Variants in CCND2 observed in about 807,000 individuals in gnomAD.
CCND2 encodes cyclin D2, also known as G1/S-specific cyclin-D2.
A neutral mutation model predicts 30.2 loss-of-function variants in CCND2; 6 were observed. The observed-to-expected ratio is 0.20, with a 90% CI of 0.11 to 0.39. The LOEUF (loss-of-function observed/expected upper bound fraction) is 0.39, where lower values mean the gene tolerates loss of function less well. Ranked by LOEUF, CCND2 falls within the 10% of genes least tolerant of loss-of-function variation. The probability of loss-of-function intolerance (pLI) is 1.00; values close to 1 mark genes in which losing one functional copy is unlikely to be tolerated. For missense variants in CCND2, 235 were observed against 373.4 expected (o/e 0.63, Z 3.06); for synonymous variants, 150 against 153.1 (o/e 0.98, Z 0.15).
In CCND2 at chr12:4,285,128, A is replaced by G. The variant is rs1864005655; in HGVS notation, c.572-3714A>G. 5.9e-6 allele frequency: 1 copy of G among 170,328 alleles called. No individual in the cohort carries two copies. The highest frequency in any genetic ancestry group is 2.4e-5 in the African/African-American group (1 of 41,772). 10.6% of individuals were successfully genotyped at this position (170,328 alleles called of 1,614,324 possible). A position where few individuals can be genotyped will look rare whatever the true frequency, so the allele number is the denominator to read the frequency against. On this transcript the variant is annotated intron_variant, in intron 3 of 4. Transcript: ENST00000261254. This position sits in a 1 kb window ranked among gnomAD's most constrained non-coding sequence, Gnocchi z 4.1. ...TATAGCACACCATCCTCTACTATCT[A>G]ATGCATTGATGCCCAGCCTTAAGAA... is the stretch of plus-strand genomic sequence containing the variant.
Position 4,304,504 on chromosome 12 carries a change from A to G in CCND2, c.*4495A>G, listed in dbSNP as rs1047696020. The G allele has an allele frequency of 4.3e-6, 1 of 233,510 alleles. No homozygotes were observed. The highest frequency in any genetic ancestry group is 5.6e-5 in the Admixed American group (1 of 17,778). The allele number at this position is 233,510 out of a possible 1,614,324, so 14.5% of individuals were successfully genotyped here. A position where few individuals can be genotyped will look rare whatever the true frequency, so the allele number is the denominator to read the frequency against. On this transcript the variant is annotated 3_prime_UTR_variant, in exon 5 of 5. Coordinates refer to ENST00000261254, the MANE Select transcript of CCND2 (RefSeq NM_001759.4). The surrounding 1 kb of genome is among the most constrained non-coding windows in gnomAD (Gnocchi z 6.2). The stretch of plus-strand genomic sequence containing the variant: ...ATAGGGTAAGAAGATTCAAGAGGAT[A>G]TTTATTACTTCCTCATACCACATGG...
chr12:4,298,632 A>G (rs1864206680), intron 4 of CCND2, among the ~76,000 whole-genome samples: 2 of 152,242 alleles, frequency 1.3e-5, no homozygotes, highest in Admixed American at 6.5e-5. Flanking sequence ...GCACAGTAAA[A>G]GAAACAAAAG....
In CCND2 at chr12:4,276,295, C is replaced by G. The variant is rs1863873802; in HGVS notation, c.411+75C>G. 2.3e-6 allele frequency: 3 copies of G among 1,278,004 alleles called. No individual in the cohort carries two copies. In the African/African-American group the frequency reaches 4.4e-5, roughly 19 times the overall value. The allele number at this position is 1,278,004 out of a possible 1,614,324, so 79.2% of individuals were successfully genotyped here. A position where few individuals can be genotyped will look rare whatever the true frequency, so the allele number is the denominator to read the frequency against. Reference sequence around the variant, plus strand: ...CTGGCCAACAATATGCCTTCTATCACCACTGCCAGAGCAAATTCTTGGGAT... The same window carrying G: ...CTGGCCAACAATATGCCTTCTATCAGCACTGCCAGAGCAAATTCTTGGGAT... On this transcript the variant is annotated intron_variant, in intron 2 of 4. Coordinates refer to ENST00000261254, the MANE Select transcript of CCND2 (RefSeq NM_001759.4). This position sits in a 1 kb window ranked among gnomAD's most constrained non-coding sequence, Gnocchi z 4.8.
intron 3 of CCND2, among the ~76,000 whole-genome samples, chr12:4,288,345 T>C (rs1864051419): frequency 6.6e-6 from 1 of 151,768 alleles, no homozygotes; most frequent in African/African-American, 2.4e-5. Context: ...TGCCCGTTTC[T>C]CCCATCTCCT....
chr12:4,290,233 C>T (rs1000042678), intron 4 of CCND2, among the ~76,000 whole-genome samples: 1 of 152,192 alleles, frequency 6.6e-6, no homozygotes, highest in Non-Finnish European at 1.5e-5. Flanking sequence ...GTTCCCAGCT[C>T]AGAGAAATGG....
rs554992127 is a variant in CCND2 at position 4,293,769 on chromosome 12, G to A, written c.720+4779G>A. Among the ~76,000 whole-genome samples, 12 of 152,228 alleles carry A rather than the reference G, an allele frequency of 7.9e-5. No homozygotes were observed. Among genetic ancestry groups the A allele is most frequent in the Middle Eastern group, 3.4e-3 (1 of 294 alleles). On this transcript the variant is annotated intron_variant, in intron 4 of 4. Transcript: ENST00000261254. The surrounding 1 kb of genome is among the most constrained non-coding windows in gnomAD (Gnocchi z 4.9). ...TTTCTGCTCCGTAGCTGGAAGTGCC[G>A]CCACCCTCGCCCCACATGTCATTTT...
chr12:4,279,339 G>A (rs968761966), intron 3 of CCND2, among the ~76,000 whole-genome samples: 7 of 152,044 alleles, frequency 4.6e-5, no homozygotes, highest in Admixed American at 2.6e-4. Flanking sequence ...AAGGAACAAC[G>A]TCAAGATAAA....
rs1864250824 is a variant in CCND2, at chr12:4,301,641, T to C, written c.*1632T>C. The C allele has an allele frequency of 4.3e-6, 1 of 231,466 alleles. No individual in the cohort carries two copies. Among genetic ancestry groups the C allele is most frequent in the South Asian group, 1.8e-4 (1 of 5,508 alleles). The allele number at this position is 231,466 out of a possible 1,614,324, so 14.3% of individuals were successfully genotyped here. On this transcript the variant is annotated 3_prime_UTR_variant, in exon 5 of 5. Coordinates refer to ENST00000261254, the MANE Select transcript of CCND2 (RefSeq NM_001759.4). ...TATGAGGGTTGAAGACGGAAAACAATCTAAGGGTCTCTCATTTTTTTAATT... is the reference window on the plus strand; with the variant it reads ...TATGAGGGTTGAAGACGGAAAACAACCTAAGGGTCTCTCATTTTTTTAATT...
chr12:4,285,399 A>C lies in CCND2; in HGVS notation c.572-3443A>C. 3.0e-6 allele frequency: 3 copies of C among 985,408 alleles called. No individual in the cohort carries two copies. Among genetic ancestry groups the C allele is most frequent in the Non-Finnish European group, 3.6e-6 (3 of 829,908 alleles). The allele number at this position is 985,408 out of a possible 1,614,324, so 61.0% of individuals were successfully genotyped here. Reference sequence around the variant, plus strand: ...AGCATATTGCTTGTTGGCATTTTTGATCAAGAGACTTAACAGACTGCTGAG... The same window carrying C: ...AGCATATTGCTTGTTGGCATTTTTGCTCAAGAGACTTAACAGACTGCTGAG... On this transcript the variant is annotated intron_variant, in intron 3 of 4. Transcript: ENST00000261254. The surrounding 1 kb of genome is among the most constrained non-coding windows in gnomAD (Gnocchi z 4.1).
At chr12:4,298,335 G>C (rs1232039487) in intron 4 of CCND2, among the ~76,000 whole-genome samples, 1 of 152,232 alleles carries the variant, frequency 6.6e-6, no homozygotes, top group African/African-American at 2.4e-5. Flanking sequence ...ATGTGGGATA[G>C]ATGAGAGATA....
At position 4,274,546 on chromosome 12, in the gene CCND2, T is replaced by C. The variant is rs1318110470; in HGVS notation, c.195+311T>C. On this transcript the variant is annotated intron_variant, in intron 1 of 4. Coordinates refer to ENST00000261254, the MANE Select transcript of CCND2 (RefSeq NM_001759.4). The surrounding 1 kb of genome is among the most constrained non-coding windows in gnomAD (Gnocchi z 7.7). ...TCCCACCCCCCTCGCGACCTGTCTT[T>C]TGCGAAGCCGCCGCGGCTGCTTGCG... 1.3e-5 allele frequency among the ~76,000 whole-genome samples: 2 copies of C among 151,992 alleles called. No individual in the cohort carries two copies. Among genetic ancestry groups the C allele is most frequent in the Admixed American group, 6.5e-5 (1 of 15,274 alleles).
chr12:4,302,102 G>A lies in CCND2; in HGVS notation c.*2093G>A, dbSNP rs1224545056. ...TTTCTGCTTGGGAGCCCATTCGCAT[G>A]AGGAATACAGAAGCAGTGTGAGCAG... On this transcript the variant is annotated 3_prime_UTR_variant, in exon 5 of 5. Transcript: ENST00000261254. The A allele has an allele frequency of 4.3e-6, 1 of 233,126 alleles. No homozygotes were observed. Among genetic ancestry groups the A allele is most frequent in the Non-Finnish European group, 8.5e-6 (1 of 117,842 alleles). 14.4% of individuals were successfully genotyped at this position (233,126 alleles called of 1,614,324 possible). A position where few individuals can be genotyped will look rare whatever the true frequency, so the allele number is the denominator to read the frequency against.
rs1179655311 is a variant in CCND2, at chr12:4,299,809, T to C, written c.721-51T>C. On this transcript the variant is annotated intron_variant, in intron 4 of 4. Transcript: ENST00000261254. The surrounding 1 kb of genome is among the most constrained non-coding windows in gnomAD (Gnocchi z 5.2). ...TACGCATGTTTTCTCCGTAGGATGC[T>C]CTATGTCCTGTTCCTCTTACTAACA... The C allele has an allele frequency of 6.4e-7, 1 of 1,566,116 alleles. No homozygotes were observed. The highest frequency in any genetic ancestry group is 2.3e-5 in the East Asian group (1 of 44,270).
chr12:4,274,279 G>T lies in CCND2; in HGVS notation c.195+44G>T, dbSNP rs1430457431. Reference sequence around the variant, plus strand: ...CTCGCCAGGAGCCAGGACCCCTCCGGATGCTCGGGTCCCCGGCCGGAGCCC... The same window carrying T: ...CTCGCCAGGAGCCAGGACCCCTCCGTATGCTCGGGTCCCCGGCCGGAGCCC... On this transcript the variant is annotated intron_variant, in intron 1 of 4. Transcript: ENST00000261254. The surrounding 1 kb of genome is among the most constrained non-coding windows in gnomAD (Gnocchi z 7.7). 3.1e-6 allele frequency: 5 copies of T among 1,593,814 alleles called. No homozygotes were observed. Among genetic ancestry groups the T allele is most frequent in the Non-Finnish European group, 4.3e-6 (5 of 1,165,286 alleles).
chr12:4,276,178 G>C lies in CCND2; in HGVS notation c.369G>C (p.Leu123=). The C allele has an allele frequency of 6.2e-7, 1 of 1,614,216 alleles. No individual in the cohort carries two copies. The highest frequency in any genetic ancestry group is 8.5e-7 in the Non-Finnish European group (1 of 1,180,038). ...CCAGCCCGCTGACCGCGGAGAAGCTGTGCATTTACACCGACAACTCCATCA... is the reference window on the plus strand; with the variant it reads ...CCAGCCCGCTGACCGCGGAGAAGCTCTGCATTTACACCGACAACTCCATCA... The part of the protein sequence containing the change: ...KETSPLTAEK[L]CIYTDNSIKP... The change falls in exon 2 of 5, where the codon CTG becomes CTC. Residue 123 remains leucine (L), a synonymous_variant. Transcript: ENST00000261254. This position sits in a 1 kb window ranked among gnomAD's most constrained non-coding sequence, Gnocchi z 4.8.
intron 3 of CCND2, 116 bp from the exon 4 acceptor site, chr12:4,288,726 G>T (rs1043025306): frequency 3.6e-5 from 33 of 923,808 alleles, no homozygotes; most frequent in Non-Finnish European, 5.0e-5. Flanking sequence ...TGTAGGGCAC[G>T]GGGTCACTCG....
intron 4 of CCND2, among the ~76,000 whole-genome samples, chr12:4,295,994 G>A (rs1278266250): frequency 2.0e-5 from 3 of 152,226 alleles, no homozygotes; most frequent in Non-Finnish European, 4.4e-5. Context: ...TCCAGTAGAA[G>A]TGACAGCCAG....
rs1358625796 is a variant in CCND2 at position 4,302,958 on chromosome 12, C to A, written c.*2949C>A. 4.3e-6 allele frequency: 1 copy of A among 233,198 alleles called. No homozygotes were observed. Among genetic ancestry groups the A allele is most frequent in the Non-Finnish European group, 8.5e-6 (1 of 118,078 alleles). 14.4% of individuals were successfully genotyped at this position (233,198 alleles called of 1,614,324 possible). ...GAGCCAGCTTTGCTCAGCACACTCT[C>A]CTGGGCCCCAAGGAGTCCCACGGAA... On this transcript the variant is annotated 3_prime_UTR_variant, in exon 5 of 5. Transcript: ENST00000261254.
chr12:4,291,789 C>A (rs190660382), intron 4 of CCND2, among the ~76,000 whole-genome samples: 1 of 152,090 alleles, frequency 6.6e-6, no homozygotes, highest in Non-Finnish European at 1.5e-5. Flanking sequence ...AATGAAATTC[C>A]GATCCATGTT....
Sources: allele counts gnomAD v4.1 joint callset (sites outside exome capture counted in the v4.1 genomes callset), GRCh38; gene constraint gnomAD v4.1.1; non-coding constraint Gnocchi (gnomAD v3.1); transcripts MANE v1.5; gene names NCBI Gene and HGNC (gene_info 2026-07-23, HGNC 2026-07-21).